Variants in PCDHGB3 observed in about 807,000 individuals in gnomAD.
The protein encoded by PCDHGB3 is protocadherin gamma subfamily B, 3.
PCDHGB3 carries 40 observed loss-of-function variants against 59.2 expected under a neutral mutation model. That is an observed-to-expected ratio of 0.68 (90% CI 0.52 to 0.88). PCDHGB3 has a LOEUF of 0.88. Ranked by LOEUF, PCDHGB3 falls within the 40% of genes least tolerant of loss-of-function variation. The pLI is 0.00. For synonymous variants in PCDHGB3, 581 were observed against 503.6 expected, an observed-to-expected ratio of 1.15 and a Z score of -2.06; for missense variants, 1,309 against 1,187.9, an observed-to-expected ratio of 1.10 and a Z score of -1.50.
intron 1 of PCDHGB3, chr5:141,418,077 T>C (rs770464447): frequency 6.8e-6 from 11 of 1,613,914 alleles, no homozygotes; most frequent in Non-Finnish European, 8.5e-6. Flanking sequence ...GCGGAGAAGC[T>C]GCACTTCAGC....
intron 1 of PCDHGB3, among the ~76,000 whole-genome samples, chr5:141,472,994 A>AAAAG (rs1425445230): frequency 1.3e-5 from 2 of 151,692 alleles, no homozygotes; most frequent in Non-Finnish European, 2.9e-5. Context: ...AAAAAAAAAA[A>AAAAG]AAAGAAAGAA....
rs143779180 is a variant in PCDHGB3, at chr5:141,485,438, C to T, written c.2416-9369C>T. Reference sequence around the variant, plus strand: ...CAGCGGAGCCCTGCTCATCAAGAACCCAATCGACCGAGAGGCACTGTGTGG... The same window carrying T: ...CAGCGGAGCCCTGCTCATCAAGAACTCAATCGACCGAGAGGCACTGTGTGG... On this transcript the variant is annotated intron_variant, in intron 1 of 3. Transcript: ENST00000576222. This position sits in a 1 kb window ranked among gnomAD's most constrained non-coding sequence, Gnocchi z 5.7. 2.9e-5 allele frequency: 47 copies of T among 1,614,052 alleles called. No individual in the cohort carries two copies. The highest frequency in any genetic ancestry group is 4.0e-5 in the African/African-American group (3 of 74,924).
At chr5:141,415,318 C>T (rs1324377536) in intron 1 of PCDHGB3, 4 of 1,614,252 alleles carry the variant, frequency 2.5e-6, no homozygotes, top group Admixed American at 1.7e-5. Flanking sequence ...CGTCATCGTG[C>T]TGCTGGCGCA....
chr5:141,504,824 C>T (rs537283013), intron 2 of PCDHGB3, among the ~76,000 whole-genome samples: 4 of 152,230 alleles, frequency 2.6e-5, no homozygotes, highest in South Asian at 4.1e-4. Context: ...TAGGTCCCCA[C>T]TTTTTCTCTA....
intron 1 of PCDHGB3, chr5:141,430,554 A>G (rs372392559): frequency 3.2e-5 from 13 of 411,906 alleles, no homozygotes; most frequent in Admixed American, 4.0e-5. Context: ...CTGTTCACCA[A>G]TCGGGGAGAG....
chr5:141,409,481 A>G (rs1589715212), intron 1 of PCDHGB3: 1 of 1,613,968 alleles, frequency 6.2e-7, no homozygotes, highest in Non-Finnish European at 8.5e-7. Context: ...AGCCACTGAC[A>G]GGGGCAAGCC....
At chr5:141,470,182 G>A (rs540599468) in intron 1 of PCDHGB3, among the ~76,000 whole-genome samples, 1 of 152,262 alleles carries the variant, frequency 6.6e-6, no homozygotes, top group Non-Finnish European at 1.5e-5. Context: ...AAATATTCAA[G>A]TAAACTTCAG....
intron 3 of PCDHGB3, among the ~76,000 whole-genome samples, chr5:141,507,479 C>T (rs1050741571): frequency 1.3e-5 from 2 of 152,198 alleles, no homozygotes; most frequent in East Asian, 1.9e-4. Flanking sequence ...GACTGCTGGC[C>T]TCCTGAGGCA....
intron 1 of PCDHGB3, chr5:141,440,348 C>G (rs2098169693): frequency 6.6e-6 from 1 of 152,190 alleles, no homozygotes; most frequent in South Asian, 2.1e-4. Flanking sequence ...GGCCTATAAT[C>G]CTAGCTACTC....
chr5:141,429,851 TC>T (rs1447325775), intron 1 of PCDHGB3, among the ~76,000 whole-genome samples: 2 of 152,224 alleles, frequency 1.3e-5, no homozygotes, highest in African/African-American at 4.8e-5. Context: ...TCTGTAACAT[TC>T]TTTGGACTAC....
chr5:141,456,835 C>T (rs1261094365), intron 1 of PCDHGB3, among the ~76,000 whole-genome samples: 3 of 152,000 alleles, frequency 2.0e-5, no homozygotes, highest in African/African-American at 4.8e-5. Flanking sequence ...TGGTAGTGGG[C>T]GCCTGTAATC....
intron 1 of PCDHGB3, chr5:141,384,815 A>G (rs1780542398): frequency 5.6e-6 from 9 of 1,613,482 alleles, no homozygotes; most frequent in East Asian, 2.2e-5. Flanking sequence ...GATGCCCTCA[A>G]GCAGAGCCTC....
chr5:141,476,726 C>T lies in PCDHGB3; in HGVS notation c.2416-18081C>T. On this transcript the variant is annotated intron_variant, in intron 1 of 3. Coordinates refer to ENST00000576222, the MANE Select transcript of PCDHGB3 (RefSeq NM_018924.5). This position sits in a 1 kb window ranked among gnomAD's most constrained non-coding sequence, Gnocchi z 7.6. ...GCTGGTGTTGGAGCGCGCCCTGGAC[C>T]GAGAACGGGAGCCTAGTCTCCAGTT... The T allele has an allele frequency of 6.2e-7, 1 of 1,614,116 alleles. No homozygotes were observed. The highest frequency in any genetic ancestry group is 8.5e-7 in the Non-Finnish European group (1 of 1,180,028).
In PCDHGB3 at chr5:141,485,053, G is replaced by A. The variant is rs555996081; in HGVS notation, c.2416-9754G>A. On this transcript the variant is annotated intron_variant, in intron 1 of 3. Coordinates refer to ENST00000576222, the MANE Select transcript of PCDHGB3 (RefSeq NM_018924.5). The surrounding 1 kb of genome is among the most constrained non-coding windows in gnomAD (Gnocchi z 5.7). ...GCGCGTAACCCTTGCGGCGCCGGCC[G>A]AACCGCGCCAGAGCTGGCGCGGGGA... 6.9e-5 allele frequency: 57 copies of A among 820,742 alleles called. 2 individuals carry two copies. In the South Asian group the frequency reaches 9.3e-4, roughly 13 times the overall value. 50.8% of individuals were successfully genotyped at this position (820,742 alleles called of 1,614,324 possible).
chr5:141,478,164 C>T, intron 1 of PCDHGB3: 1 of 1,614,010 alleles, frequency 6.2e-7, no homozygotes, highest in Non-Finnish European at 8.5e-7. Context: ...GGCTCTGCCC[C>T]CCGGGAGCAG....
rs373424450 is a variant in PCDHGB3, at chr5:141,450,829, AT to A, written c.2416-43965del. 1.1e-3 allele frequency among the ~76,000 whole-genome samples: 154 copies of A among 135,102 alleles called. 1 individual carries two copies. Among genetic ancestry groups the A allele is most frequent in the South Asian group, 8.9e-3 (38 of 4,254 alleles). 88.6% of individuals were successfully genotyped at this position (135,102 alleles called of 152,430 possible). ...TTATTTATTTAATATTATTATTATTATTTTTTTTTTTTTGAGATGGGGTCTT... is the reference window on the plus strand; with the variant it reads ...TTATTTATTTAATATTATTATTATTATTTTTTTTTTTTGAGATGGGGTCTT... On this transcript the variant is annotated intron_variant, in intron 1 of 3. Transcript: ENST00000576222.
intron 3 of PCDHGB3, among the ~76,000 whole-genome samples, chr5:141,506,904 C>T (rs55892286): frequency 0.2 from 30,589 of 152,050 alleles, 3,131 homozygotes; most frequent in Middle Eastern, 0.24. Flanking sequence ...ACTGTCATCA[C>T]ACCTGGGCAC....
chr5:141,442,472 C>T (rs1032989256), intron 1 of PCDHGB3: 1 of 152,204 alleles, frequency 6.6e-6, no homozygotes, highest in Non-Finnish European at 1.5e-5. Context: ...GCAGAAAGCC[C>T]CTTGGGGAAG....
Position 141,476,129 on chromosome 5 carries a change from G to A in PCDHGB3, c.2416-18678G>A. ...GCTTTTGAGTGAGATGGTCCCAGAG[G>A]CCTGGAGGAGCGGACTGGTAAGCAC... On this transcript the variant is annotated intron_variant, in intron 1 of 3. Transcript: ENST00000576222. This position sits in a 1 kb window ranked among gnomAD's most constrained non-coding sequence, Gnocchi z 7.6. The A allele has an allele frequency of 6.2e-7, 1 of 1,606,848 alleles. No homozygotes were observed. The highest frequency in any genetic ancestry group is 8.5e-7 in the Non-Finnish European group (1 of 1,177,814).
Sources: gnomAD v4.1 joint callset for allele counts (sites outside exome capture counted in the v4.1 genomes callset) on GRCh38, gnomAD v4.1.1 for gene constraint, Gnocchi (gnomAD v3.1) non-coding constraint, MANE v1.5 for transcripts, NCBI Gene and HGNC (gene_info 2026-07-23, HGNC 2026-07-21) for gene names.